Variants in HTR4 observed in about 807,000 individuals in gnomAD.
The protein encoded by HTR4 is 5-hydroxytryptamine receptor 4.
HTR4 carries 16 observed loss-of-function variants against 36.8 expected under a neutral mutation model. The ratio of observed to expected loss-of-function variants is 0.43; its 90% CI spans 0.29 to 0.66. The LOEUF (loss-of-function observed/expected upper bound fraction) is 0.66, where lower values mean the gene tolerates loss of function less well. Among genes scored for constraint, HTR4 ranks in the 30% least tolerant of loss-of-function variants. HTR4 has a pLI of 0.13. For synonymous variants in HTR4, 189 were observed against 185.1 expected, an observed-to-expected ratio of 1.02 and a Z score of -0.17; for missense variants, 438 against 490.9, an observed-to-expected ratio of 0.89 and a Z score of 1.02.
At chr5:148,454,827 C>T (rs563774925) in intron 5 of HTR4, among the ~76,000 whole-genome samples, 1 of 152,080 alleles carries the variant, frequency 6.6e-6, no homozygotes, top group African/African-American at 2.4e-5. Context: ...TGAGCGCAGG[C>T]CTGGCCAGGA....
chr5:148,489,533 T>A (rs564909539), intron 6 of HTR4, among the ~76,000 whole-genome samples: 1 of 152,126 alleles, frequency 6.6e-6, no homozygotes, highest in African/African-American at 2.4e-5. Flanking sequence ...GCCCAGAGAC[T>A]GAGGAGAAAG....
At chr5:148,633,349 A>G (rs1753395717) in intron 2 of HTR4, among the ~76,000 whole-genome samples, 1 of 152,118 alleles carries the variant, frequency 6.6e-6, no homozygotes, top group African/African-American at 2.4e-5. Context: ...CACAGAGAAC[A>G]TAGCGCATTG....
chr5:148,472,508 G>A (rs1466235353), downstream of HTR4, among the ~76,000 whole-genome samples: 1 of 152,118 alleles, frequency 6.6e-6, no homozygotes, highest in Non-Finnish European at 1.5e-5. Flanking sequence ...TGTTGGTATT[G>A]TTGTTTAGTT....
chr5:148,636,772 G>T (rs1753555612), intron 2 of HTR4, among the ~76,000 whole-genome samples: 1 of 152,064 alleles, frequency 6.6e-6, no homozygotes, highest in Non-Finnish European at 1.5e-5. Context: ...TTTTAGTATA[G>T]GAAGCTGGAA....
At chr5:148,599,767 T>G (rs565813648) in intron 2 of HTR4, among the ~76,000 whole-genome samples, 2 of 152,002 alleles carry the variant, frequency 1.3e-5, no homozygotes, top group Non-Finnish European at 2.9e-5. Context: ...TTTTTGCAGT[T>G]TAAAACATAC....
At chr5:148,477,048 T>C (rs1048530678), downstream of HTR4, among the ~76,000 whole-genome samples, 2 of 152,178 alleles carry the variant, frequency 1.3e-5, no homozygotes, top group Middle Eastern at 3.2e-3. Flanking sequence ...AAAGTATTGG[T>C]AGGCTATGAG....
chr5:148,615,797 C>T (rs1752656814), intron 2 of HTR4, among the ~76,000 whole-genome samples: 1 of 152,146 alleles, frequency 6.6e-6, no homozygotes, highest in African/African-American at 2.4e-5. Context: ...TTCTTGCAGA[C>T]TGCTCAGGTA....
At chr5:148,607,321 T>C (rs1752214269) in intron 2 of HTR4, among the ~76,000 whole-genome samples, 1 of 152,198 alleles carries the variant, frequency 6.6e-6, no homozygotes, top group South Asian at 2.1e-4. Context: ...AGAGTTCAGA[T>C]ACTTCGGTCA....
rs1354335578 is a variant in HTR4, at chr5:148,523,360, A to G, written c.354-14T>C. The stretch of plus-strand genomic sequence containing the variant: ...ATGGCGTAATACCTGGAGAGAGAAT[A>G]GAGGGCAGAGCATAGGCATGGGCAA... On this transcript the variant is annotated splice_polypyrimidine_tract_variant and intron_variant, in intron 4 of 6. Coordinates refer to ENST00000377888, the MANE Select transcript of HTR4 (RefSeq NM_000870.7). The G allele has an allele frequency of 6.2e-7, 1 of 1,601,622 alleles. No homozygotes were observed. Among genetic ancestry groups the G allele is most frequent in the Admixed American group, 1.8e-5 (1 of 56,870 alleles).
At chr5:148,558,110 C>A (rs1760038377) in intron 2 of HTR4, among the ~76,000 whole-genome samples, 1 of 151,870 alleles carries the variant, frequency 6.6e-6, no homozygotes, top group South Asian at 2.1e-4. Context: ...CCTGCCCAGC[C>A]CTGCACAGTC....
At chr5:148,486,887 G>A (rs1756184595) in intron 6 of HTR4, among the ~76,000 whole-genome samples, 1 of 152,100 alleles carries the variant, frequency 6.6e-6, no homozygotes, top group African/African-American at 2.4e-5. Flanking sequence ...GTGGGGCTGA[G>A]ATGCCACAAC....
intron 5 of HTR4, among the ~76,000 whole-genome samples, chr5:148,462,842 GGGCAA>G (rs2113694928): frequency 1.3e-5 from 2 of 152,150 alleles, no homozygotes; most frequent in East Asian, 3.9e-4. Flanking sequence ...CAGGTATGTA[GGGCAA>G]ATACAACTTT....
chr5:148,579,617 G>A (rs1761058990), intron 2 of HTR4, among the ~76,000 whole-genome samples: 1 of 152,016 alleles, frequency 6.6e-6, no homozygotes. Context: ...TGTAGGTAGG[G>A]ATCACTGCTG....
intron 2 of HTR4, among the ~76,000 whole-genome samples, chr5:148,600,124 T>C (rs1180730752): frequency 6.6e-6 from 1 of 150,984 alleles, no homozygotes; most frequent in African/African-American, 2.4e-5. Context: ...AGACATACAT[T>C]CAAATATATT....
intron 1 of HTR4, among the ~76,000 whole-genome samples, chr5:148,642,697 G>A (rs554980581): frequency 5.3e-5 from 8 of 152,094 alleles, no homozygotes; most frequent in African/African-American, 1.2e-4. Flanking sequence ...AAAAATTATC[G>A]AATCATCTGA....
downstream of HTR4, among the ~76,000 whole-genome samples, chr5:148,473,287 G>A (rs1452627028): frequency 1.4e-5 from 2 of 144,412 alleles, no homozygotes; most frequent in Admixed American, 1.4e-4. Context: ...GGGCAACAGA[G>A]CGAGACTCCA....
chr5:148,589,495 C>T (rs547143397), intron 2 of HTR4, among the ~76,000 whole-genome samples: 1 of 152,216 alleles, frequency 6.6e-6, no homozygotes, highest in African/African-American at 2.4e-5. Flanking sequence ...ATTGACCACT[C>T]AGTTTTCTTC....
intron 2 of HTR4, among the ~76,000 whole-genome samples, chr5:148,559,567 C>A (rs1439525179): frequency 6.6e-6 from 1 of 152,024 alleles, no homozygotes; most frequent in Non-Finnish European, 1.5e-5. Flanking sequence ...TGCACTCTTT[C>A]CCCCTAGGTT....
intron 2 of HTR4, among the ~76,000 whole-genome samples, chr5:148,561,271 T>C (rs575545755): frequency 1.3e-5 from 2 of 152,226 alleles, no homozygotes; most frequent in South Asian, 2.1e-4. Context: ...CAGAGTATAA[T>C]GGAGTTAAAA....
Sources: allele counts gnomAD v4.1 joint callset (sites outside exome capture counted in the v4.1 genomes callset), GRCh38; gene constraint gnomAD v4.1.1; transcripts MANE v1.5; gene names NCBI Gene and HGNC (gene_info 2026-07-23, HGNC 2026-07-21).